CEP83: variants seen among roughly 807,000 people sequenced by gnomAD.
The protein encoded by CEP83 is centrosomal protein of 83 kDa.
CEP83 carries 70 observed loss-of-function variants against 101.9 expected under a neutral mutation model. The ratio of observed to expected loss-of-function variants is 0.69; its 90% CI spans 0.57 to 0.84. The LOEUF is 0.84. CEP83 is among the 40% of genes least tolerant of loss of function. The probability of loss-of-function intolerance (pLI) is 0.00; values close to 1 mark genes in which losing one functional copy is unlikely to be tolerated. For synonymous variants in CEP83, 264 were observed against 267.9 expected, an observed-to-expected ratio of 0.99 and a Z score of 0.14; for missense variants, 715 against 787.2, an observed-to-expected ratio of 0.91 and a Z score of 1.10.
At chr12:94,356,976 G>C (rs1003949726) in intron 11 of CEP83, among the ~76,000 whole-genome samples, 1 of 151,966 alleles carries the variant, frequency 6.6e-6, no homozygotes. Flanking sequence ...ATTAGAGCTT[G>C]GGGAAAAAAA....
chr12:94,436,149 T>A (rs903178356), intron 1 of CEP83, among the ~76,000 whole-genome samples: 1 of 151,950 alleles, frequency 6.6e-6, no homozygotes, highest in Non-Finnish European at 1.5e-5. Context: ...AGGAAAGTAA[T>A]TCTGGTAATA....
chr12:94,299,702 C>A, the CEP83 span, among the ~76,000 whole-genome samples: 2 of 152,172 alleles, frequency 1.3e-5, no homozygotes, highest in South Asian at 4.1e-4. Context: ...TGGAATTACA[C>A]GAGCATGCCA....
the CEP83 span, among the ~76,000 whole-genome samples, chr12:94,284,069 C>CA: frequency 1.6e-5 from 2 of 127,826 alleles, no homozygotes; most frequent in Non-Finnish European, 3.1e-5. Flanking sequence ...TGCGACAGAG[C>CA]AAGACTCCAT....
At chr12:94,412,967 C>T (rs545684461) in intron 2 of CEP83, among the ~76,000 whole-genome samples, 11 of 152,270 alleles carry the variant, frequency 7.2e-5, no homozygotes, top group African/African-American at 1.2e-4. Context: ...ATTCTCCTGC[C>T]TCAGCCTCCC....
At chr12:94,448,313 A>G (rs1360077792) in intron 1 of CEP83, among the ~76,000 whole-genome samples, 1 of 152,158 alleles carries the variant, frequency 6.6e-6, no homozygotes, top group Admixed American at 6.5e-5. Flanking sequence ...TGAAGCAAAA[A>G]AAGAGATAAT....
At position 94,391,810 on chromosome 12, in the gene CEP83, A is replaced by C. The variant is rs946339299; in HGVS notation, c.549+9040T>G. 5.5e-5 allele frequency among the ~76,000 whole-genome samples: 8 copies of C among 145,700 alleles called. No individual in the cohort carries two copies. In the Admixed American group the frequency reaches 5.5e-4, roughly 10 times the overall value. ...TCTACCAAGCAAAGGTAGATCAAGC[A>C]AAAAAAAAAAGCAGGGGTTGAAATC... is the stretch of plus-strand genomic sequence containing the variant. On this transcript the variant is annotated intron_variant, in intron 6 of 16. Coordinates refer to ENST00000397809, the MANE Select transcript of CEP83 (RefSeq NM_016122.3).
chr12:94,309,027 G>A, intron 16 of CEP83, 110 bp from the exon 17 acceptor site: 1 of 711,402 alleles, frequency 1.4e-6, no homozygotes, highest in Non-Finnish European at 2.5e-6. Flanking sequence ...GCAAGGAAAT[G>A]CTGACCACTG....
intron 11 of CEP83, among the ~76,000 whole-genome samples, chr12:94,363,270 C>T (rs2060863747): frequency 6.6e-6 from 1 of 152,138 alleles, no homozygotes; most frequent in Non-Finnish European, 1.5e-5. Flanking sequence ...ATACGTGAAT[C>T]AAAATATCAC....
At chr12:94,365,752 A>C (rs919963088) in intron 11 of CEP83, among the ~76,000 whole-genome samples, 13 of 151,100 alleles carry the variant, frequency 8.6e-5, no homozygotes, top group African/African-American at 3.2e-4. Context: ...CCTGGGCAAC[A>C]GAGCAAGACT....
chr12:94,357,966 T>A (rs1037491282), intron 11 of CEP83, among the ~76,000 whole-genome samples: 1 of 152,126 alleles, frequency 6.6e-6, no homozygotes, highest in African/African-American at 2.4e-5. Flanking sequence ...ACTGGGTAAA[T>A]CAAATTACTG....
chr12:94,331,288 A>AG (rs1491405457), intron 14 of CEP83, among the ~76,000 whole-genome samples: 2 of 83,596 alleles, frequency 2.4e-5, no homozygotes, highest in Non-Finnish European at 2.6e-5. Context: ...TCAGACTCTC[A>AG]GAAAAAAAAA....
chr12:94,424,601 T>G (rs1199978377), intron 2 of CEP83: 55 of 1,613,244 alleles, frequency 3.4e-5, no homozygotes, highest in Non-Finnish European at 8.5e-6. Flanking sequence ...CATCTGTGCC[T>G]GTACACCACT....
At chr12:94,304,537 A>G (rs1296254836), downstream of CEP83, among the ~76,000 whole-genome samples, 1 of 152,212 alleles carries the variant, frequency 6.6e-6, no homozygotes, top group African/African-American at 2.4e-5. Flanking sequence ...AAATTCAAAC[A>G]GACACATTCA....
chr12:94,368,089 A>C lies in CEP83; in HGVS notation c.1161T>G (p.Gly387=), dbSNP rs1412480820. 1.9e-6 allele frequency: 3 copies of C among 1,613,280 alleles called. No individual in the cohort carries two copies. Among genetic ancestry groups the C allele is most frequent in the Non-Finnish European group, 2.5e-6 (3 of 1,179,628 alleles). The change falls in exon 10 of 17, where the codon GGT becomes GGG. Residue 387 remains glycine (G), a synonymous_variant. Coordinates refer to ENST00000397809, the MANE Select transcript of CEP83 (RefSeq NM_016122.3). ...CTTGTAATACCACAAGTTTTTGATA[A>C]CCTTCTTCTTTGGCAGCTTGTACTT... ...IRKVQAAKEE[G]YQKLVVLQDE...
At position 94,310,044 on chromosome 12, in the gene CEP83, T is replaced by C; in HGVS notation, c.1875A>G (p.Arg625=). Residue 625 remains arginine, a synonymous_variant, in exon 16 of 17, where the codon AGA becomes AGG. Transcript: ENST00000397809. The stretch of plus-strand genomic sequence containing the variant: ...AAATTAGACTTCGAAATTCATTATG[T>C]CTTCTCTGTATATCTTTTAGTCTTT... ...LQKRLKDIQR[R]HNEFRSLILV... is the part of the protein sequence containing the mutation. 6.2e-7 allele frequency: 1 copy of C among 1,606,894 alleles called. No individual in the cohort carries two copies. The highest frequency in any genetic ancestry group is 2.2e-5 in the East Asian group (1 of 44,796).
At chr12:94,338,789 G>A (rs2059557474) in intron 11 of CEP83, among the ~76,000 whole-genome samples, 1 of 151,890 alleles carries the variant, frequency 6.6e-6, no homozygotes, top group Non-Finnish European at 1.5e-5. Context: ...TGAACTGGAG[G>A]GCCAAGTTAC....
Position 94,331,739 on chromosome 12 carries a change from A to G in CEP83, c.1668T>C (p.Ala556=), listed in dbSNP as rs2059233988. 1 of 1,613,876 alleles carries G rather than the reference A, an allele frequency of 6.2e-7. No individual in the cohort carries two copies. The highest frequency in any genetic ancestry group is 8.5e-7 in the Non-Finnish European group (1 of 1,179,956). The part of the protein sequence containing the change: ...ITDREEKYNQ[A]KEKLQRAAIA... Reference sequence around the variant, plus strand: ...TTGCAGCTCGCTGCAGTTTCTCCTTAGCTTGATTGTACTTTTCTTCTCTGT... The same window carrying G: ...TTGCAGCTCGCTGCAGTTTCTCCTTGGCTTGATTGTACTTTTCTTCTCTGT... Residue 556 remains alanine, a synonymous_variant, in exon 14 of 17, where the codon GCT becomes GCC. Coordinates refer to ENST00000397809, the MANE Select transcript of CEP83 (RefSeq NM_016122.3).
intron 14 of CEP83, chr12:94,328,205 T>C: frequency 4.2e-6 from 1 of 238,430 alleles, no homozygotes; most frequent in Non-Finnish European, 8.6e-6. Context: ...CCCAACTCAC[T>C]GTGTTCACTT....
chr12:94,283,602 G>C, the CEP83 span, among the ~76,000 whole-genome samples: 116,877 of 152,130 alleles, frequency 0.77, 45,227 homozygotes, highest in African/African-American at 0.87. Context: ...GTTCAGGGAT[G>C]AGAGTTTTTA....
Sources: allele counts gnomAD v4.1 joint callset (sites outside exome capture counted in the v4.1 genomes callset), GRCh38; gene constraint gnomAD v4.1.1; transcripts MANE v1.5; gene names NCBI Gene and HGNC (gene_info 2026-07-23, HGNC 2026-07-21).